The following ZNG1A variants were observed in gnomAD, a reference collection of about 807,000 sequenced individuals.
ZNG1A encodes Zn regulated GTPase metalloprotein activator 1A.
the ZNG1A span, chr9:149,156 C>G: frequency 1.3e-5 from 2 of 151,460 alleles, no homozygotes; most frequent in African/African-American, 4.9e-5. Context: ...CTCCTCCTTC[C>G]TGTATTTCCT....
the ZNG1A span, among the ~76,000 whole-genome samples, chr9:127,110 T>C: frequency 0.019 from 2,931 of 152,246 alleles, 110 homozygotes; most frequent in African/African-American, 0.066. Context: ...ACATGGTCTA[T>C]CTTACAGAAA....
the ZNG1A span, chr9:149,036 C>G: frequency 6.7e-6 from 1 of 149,586 alleles, no homozygotes; most frequent in South Asian, 2.1e-4. Context: ...CAGTCTTGAA[C>G]TCTGGAAATA....
chr9:163,983 A>C, the ZNG1A span: 1 of 1,597,966 alleles, frequency 6.3e-7, no homozygotes, highest in East Asian at 2.2e-5. Flanking sequence ...CTTACCATCA[A>C]GATAAATATC....
At chr9:148,565 G>A in the ZNG1A span, 1 of 105,512 alleles carries the variant, frequency 9.5e-6, no homozygotes, top group African/African-American at 3.7e-5. Context: ...CTTTTCCAAA[G>A]CATTAAAATC....
chr9:171,327 G>A, the ZNG1A span, among the ~76,000 whole-genome samples: 2 of 150,478 alleles, frequency 1.3e-5, no homozygotes, highest in Non-Finnish European at 3.0e-5. Flanking sequence ...CAATGCCAGA[G>A]ACCCAGATCA....
the ZNG1A span, among the ~76,000 whole-genome samples, chr9:131,831 T>C: frequency 6.7e-6 from 1 of 149,650 alleles, no homozygotes; most frequent in South Asian, 2.1e-4. Flanking sequence ...CTAGCTTACA[T>C]AACACTCCTA....
the ZNG1A span, among the ~76,000 whole-genome samples, chr9:125,104 C>T: frequency 4.6e-5 from 7 of 152,178 alleles, no homozygotes; most frequent in Non-Finnish European, 8.8e-5. Context: ...AATGGTAGTT[C>T]TACTTTTAGT....
the ZNG1A span, among the ~76,000 whole-genome samples, chr9:149,931 G>A: frequency 1.4e-5 from 2 of 146,870 alleles, no homozygotes; most frequent in Admixed American, 1.4e-4. Context: ...TTACCACTAA[G>A]ACGATGCTAC....
chr9:151,146 C>A, the ZNG1A span: 1 of 985,178 alleles, frequency 1.0e-6, no homozygotes, highest in East Asian at 1.1e-4. Context: ...GGGCATTCTT[C>A]TGCTACCTCT....
At chr9:143,211 T>C in the ZNG1A span, among the ~76,000 whole-genome samples, 2 of 148,468 alleles carry the variant, frequency 1.3e-5, no homozygotes, top group Admixed American at 6.7e-5. Context: ...AGCATCATCC[T>C]GATACCAAAG....
At chr9:141,344 T>C in the ZNG1A span, among the ~76,000 whole-genome samples, 18 of 146,264 alleles carry the variant, frequency 1.2e-4, no homozygotes, top group East Asian at 2.1e-4. Flanking sequence ...GCGGATCTCT[T>C]GGCAGAAACT....
chr9:162,697 C>T, the ZNG1A span, among the ~76,000 whole-genome samples: 205 of 150,534 alleles, frequency 1.4e-3, 3 homozygotes, highest in Middle Eastern at 6.8e-3. Flanking sequence ...GCACTAGAAA[C>T]GATATAAAAC....
chr9:163,536 A>G, the ZNG1A span, among the ~76,000 whole-genome samples: 1 of 152,212 alleles, frequency 6.6e-6, no homozygotes, highest in East Asian at 1.9e-4. Context: ...TCATTAAACT[A>G]AAGTGTGAAA....
chr9:121,557 C>T, the ZNG1A span: 4 of 1,608,276 alleles, frequency 2.5e-6, no homozygotes, highest in East Asian at 2.2e-5. Flanking sequence ...TAAGGATATC[C>T]TTATCTAAAT....
At chr9:140,001 C>G in the ZNG1A span, among the ~76,000 whole-genome samples, 8 of 150,616 alleles carry the variant, frequency 5.3e-5, no homozygotes, top group South Asian at 2.1e-4. Flanking sequence ...GCACCTGGCT[C>G]GGAGGGTCCC....
the ZNG1A span, chr9:175,932 A>G: frequency 2.2e-6 from 3 of 1,337,374 alleles, no homozygotes; most frequent in Non-Finnish European, 3.0e-6. Flanking sequence ...ATAAGATTAA[A>G]GCATCCTTCG....
chr9:141,415 C>T, the ZNG1A span, among the ~76,000 whole-genome samples: 4 of 149,896 alleles, frequency 2.7e-5, no homozygotes, highest in Non-Finnish European at 5.9e-5. Flanking sequence ...GAATTTTCGA[C>T]CCAGAATTTC....
the ZNG1A span, among the ~76,000 whole-genome samples, chr9:176,717 A>G: frequency 1.3e-5 from 2 of 152,094 alleles, no homozygotes; most frequent in Admixed American, 1.3e-4. Context: ...AAACCAGTCC[A>G]AGCCTGAGAC....
chr9:169,374 A>G, the ZNG1A span, among the ~76,000 whole-genome samples: 7 of 147,644 alleles, frequency 4.7e-5, no homozygotes, highest in African/African-American at 1.8e-4. Context: ...GTTGTTTCTT[A>G]TGGACGGGAA....
Sources: allele counts gnomAD v4.1 joint callset (sites outside exome capture counted in the v4.1 genomes callset), GRCh38; gene constraint gnomAD v4.1.1; transcripts MANE v1.5; gene names NCBI Gene and HGNC (gene_info 2026-07-23, HGNC 2026-07-21).